The following DNM2 variants were observed in gnomAD, a reference collection of about 807,000 sequenced individuals.
DNM2 encodes the protein dynamin 2.
Under a neutral mutation model 99.0 loss-of-function variants are expected in DNM2, and 15 were observed. That is an observed-to-expected ratio of 0.15 (90% confidence interval 0.10 to 0.23). The LOEUF (loss-of-function observed/expected upper bound fraction) is 0.23. Ranked by LOEUF, DNM2 falls within the 10% of genes least tolerant of loss-of-function variation. The pLI is 1.00. For missense variants in DNM2, 742 were observed against 1,189.4 expected (o/e 0.62, Z 5.53); for synonymous variants, 525 against 481.2 (o/e 1.09, Z -1.19).
chr19:10,726,736 C>T (rs527415776), intron 1 of DNM2, among the ~76,000 whole-genome samples: 3 of 152,216 alleles, frequency 2.0e-5, no homozygotes, highest in African/African-American at 7.2e-5. Flanking sequence ...TGGTGGCAGG[C>T]GCCTGTAATC....
chr19:10,828,295 A>T (rs1893717128), intron 18 of DNM2, among the ~76,000 whole-genome samples: 1 of 148,242 alleles, frequency 6.7e-6, no homozygotes, highest in Non-Finnish European at 1.5e-5. Context: ...AAATAAAGAT[A>T]TAACAGGATT....
intron 14 of DNM2, chr19:10,810,347 C>T (rs1164339413): frequency 6.6e-6 from 1 of 152,514 alleles, no homozygotes; most frequent in Admixed American, 6.5e-5. Flanking sequence ...TCTGCTGAGG[C>T]CTGGCTGCTC....
In DNM2 at chr19:10,765,569, A is replaced by T. The variant is rs1381504348; in HGVS notation, c.235+5758A>T. Among the ~76,000 whole-genome samples the T allele has an allele frequency of 6.6e-6, 1 of 152,208 alleles. No individual in the cohort carries two copies. The highest frequency in any genetic ancestry group is 1.5e-5 in the Non-Finnish European group (1 of 68,028). On this transcript the variant is annotated intron_variant, in intron 2 of 20. Transcript: ENST00000389253. This position sits in a 1 kb window ranked among gnomAD's most constrained non-coding sequence, Gnocchi z 4.4. ...GGCTGGGATGCCTGCCCAGGCTGAC[A>T]CCTTCCCAGTGGCAATTTGTCCTGG...
chr19:10,782,323 C>T (rs893243053), intron 5 of DNM2, among the ~76,000 whole-genome samples: 17 of 133,230 alleles, frequency 1.3e-4, no homozygotes, highest in African/African-American at 4.2e-4. Context: ...CGTGAGCCAC[C>T]GCACCTGGCC....
chr19:10,784,307 C>T (rs1260634836), intron 6 of DNM2, among the ~76,000 whole-genome samples: 6 of 152,184 alleles, frequency 3.9e-5, no homozygotes, highest in Admixed American at 6.5e-5. Flanking sequence ...CCAGTAGGGG[C>T]GCGGGGGCCG....
In DNM2 at chr19:10,765,295, G is replaced by C. The variant is rs570386825; in HGVS notation, c.235+5484G>C. Reference sequence around the variant, plus strand: ...ATGGACTCTCTCTGCGCCAGCACACGAGAACAGGCATGCAGATCGGCTCTG... The same window carrying C: ...ATGGACTCTCTCTGCGCCAGCACACCAGAACAGGCATGCAGATCGGCTCTG... On this transcript the variant is annotated intron_variant, in intron 2 of 20. Transcript: ENST00000389253. This position sits in a 1 kb window ranked among gnomAD's most constrained non-coding sequence, Gnocchi z 4.4. Among the ~76,000 whole-genome samples the C allele has an allele frequency of 6.6e-6, 1 of 152,226 alleles. No homozygotes were observed.
intron 2 of DNM2, among the ~76,000 whole-genome samples, chr19:10,766,252 A>T (rs2070792076): frequency 6.6e-6 from 1 of 152,138 alleles, no homozygotes; most frequent in South Asian, 2.1e-4. Context: ...CGGGCACGTG[A>T]CCAGTGTGCT....
Position 10,820,208 on chromosome 19 carries a change from C to T in DNM2, c.1781+119C>T, listed in dbSNP as rs2072928466. On this transcript the variant is annotated intron_variant, in intron 16 of 20. Transcript: ENST00000389253. This position sits in a 1 kb window ranked among gnomAD's most constrained non-coding sequence, Gnocchi z 4.3. ...GTCAGCAGTCCCTGCCCTTGGGACC[C>T]AGCTTTTAGAAAGGGGAGTCACGTG... is the stretch of plus-strand genomic sequence containing the variant. 14 of 975,146 alleles carry T rather than the reference C, an allele frequency of 1.4e-5. No homozygotes were observed. The Admixed American group carries it at 2.8e-4, about 19-fold the overall frequency. 60.4% of individuals were successfully genotyped at this position (975,146 alleles called of 1,614,324 possible). A position where few individuals can be genotyped will look rare whatever the true frequency, so the allele number is the denominator to read the frequency against.
chr19:10,798,835 A>G (rs919668116), intron 11 of DNM2, among the ~76,000 whole-genome samples: 2 of 151,216 alleles, frequency 1.3e-5, no homozygotes, highest in African/African-American at 2.4e-5. Context: ...ACAGCTGCAT[A>G]TGGCAAAGTA....
intron 1 of DNM2, 28 bp downstream of exon 1, chr19:10,718,431 CG>C: frequency 7.0e-7 from 1 of 1,419,748 alleles, no homozygotes; most frequent in Non-Finnish European, 9.2e-7. Flanking sequence ...GGATCGCGGG[CG>C]GGTGGCGGCC....
At chr19:10,768,945 G>C (rs2070888317) in intron 2 of DNM2, 1 of 152,436 alleles carries the variant, frequency 6.6e-6, no homozygotes, top group South Asian at 2.1e-4. Context: ...AGGGGAGGAG[G>C]GGGCTGGGTG....
intron 7 of DNM2, among the ~76,000 whole-genome samples, chr19:10,787,996 C>T (rs2071623010): frequency 6.6e-6 from 1 of 151,834 alleles, no homozygotes; most frequent in Non-Finnish European, 1.5e-5. Context: ...TTTTGGGAGG[C>T]CGAGGCGGGA....
intron 7 of DNM2, among the ~76,000 whole-genome samples, chr19:10,791,961 A>G (rs184322605): frequency 1.2e-3 from 186 of 152,254 alleles, no homozygotes; most frequent in African/African-American, 4.4e-3. Context: ...GGTGGCGGGC[A>G]CCTGTATTCC....
intron 1 of DNM2, among the ~76,000 whole-genome samples, chr19:10,718,896 T>C (rs2068842815): frequency 6.6e-6 from 1 of 152,094 alleles, no homozygotes; most frequent in Non-Finnish European, 1.5e-5. Flanking sequence ...CCACCACCAT[T>C]TGGTTGTCCA....
intron 7 of DNM2, among the ~76,000 whole-genome samples, chr19:10,787,034 A>G (rs2071583565): frequency 1.3e-5 from 2 of 152,228 alleles, no homozygotes; most frequent in South Asian, 4.1e-4. Flanking sequence ...AGCCTCCTTT[A>G]GAAGGTGAGC....
intron 4 of DNM2, among the ~76,000 whole-genome samples, chr19:10,776,779 G>C (rs1215984823): frequency 9.9e-5 from 15 of 152,234 alleles, no homozygotes. Flanking sequence ...GGAAAGTCCA[G>C]CATCAAAATC....
At chr19:10,741,817 C>T (rs2145765618) in intron 1 of DNM2, among the ~76,000 whole-genome samples, 1 of 152,192 alleles carries the variant, frequency 6.6e-6, no homozygotes, top group African/African-American at 2.4e-5. Flanking sequence ...TCCCAAAGTG[C>T]TGGGATTACA....
At chr19:10,762,521 A>G (rs1050430212) in intron 2 of DNM2, among the ~76,000 whole-genome samples, 1 of 152,150 alleles carries the variant, frequency 6.6e-6, no homozygotes, top group Non-Finnish European at 1.5e-5. Context: ...CCACCTTGTT[A>G]GCCTTAAAGC....
intron 7 of DNM2, among the ~76,000 whole-genome samples, chr19:10,789,916 C>A (rs1346555340): frequency 6.6e-6 from 1 of 152,192 alleles, no homozygotes; most frequent in African/African-American, 2.4e-5. Flanking sequence ...CAGGGGATGC[C>A]CATCACAAAC....
Sources: allele counts gnomAD v4.1 joint callset (sites outside exome capture counted in the v4.1 genomes callset), GRCh38; gene constraint gnomAD v4.1.1; non-coding constraint Gnocchi (gnomAD v3.1); transcripts MANE v1.5; gene names NCBI Gene and HGNC (gene_info 2026-07-23, HGNC 2026-07-21).